MYLK3: variants seen among roughly 807,000 people sequenced by gnomAD.
MYLK3 encodes the protein myosin light chain kinase 3, also known as MLC kinase.
A neutral mutation model predicts 76.3 loss-of-function variants in MYLK3; 55 were observed. The observed-to-expected ratio is 0.72, with a 90% CI of 0.58 to 0.90. The LOEUF (loss-of-function observed/expected upper bound fraction) is 0.90, where lower values mean the gene tolerates loss of function less well. MYLK3 is among the 40% of genes least tolerant of loss of function. The pLI, the probability that MYLK3 is intolerant of heterozygous loss-of-function variation, is 0.00. For synonymous variants in MYLK3, 416 were observed against 425.4 expected, an observed-to-expected ratio of 0.98 and a Z score of 0.27; for missense variants, 973 against 1,053.6, an observed-to-expected ratio of 0.92 and a Z score of 1.06.
intron 5 of MYLK3, 131 bp from the exon 6 acceptor site, chr16:46,729,818 C>T (rs778816432): frequency 1.7e-5 from 13 of 754,758 alleles, no homozygotes; most frequent in Non-Finnish European, 2.7e-5. Flanking sequence ...TGCAGCCTGT[C>T]ATCACCCCAA....
chr16:46,707,855 C>T, intron 12 of MYLK3, 92 bp from the exon 13 acceptor site: 1 of 843,260 alleles, frequency 1.2e-6, no homozygotes, highest in Admixed American at 2.5e-5. Flanking sequence ...TAAGTGAGTC[C>T]AGCCACTGGG....
At chr16:46,719,022 A>G (rs1278391207) in intron 9 of MYLK3, among the ~76,000 whole-genome samples, 1 of 152,018 alleles carries the variant, frequency 6.6e-6, no homozygotes, top group Non-Finnish European at 1.5e-5. Context: ...TGCAGCTGAA[A>G]GACCTACCTG....
upstream of MYLK3, among the ~76,000 whole-genome samples, chr16:46,748,896 T>C (rs2143017350): frequency 6.6e-6 from 1 of 152,220 alleles, no homozygotes; most frequent in Non-Finnish European, 1.5e-5. This position sits in a 1 kb window ranked among gnomAD's most constrained non-coding sequence, Gnocchi z 4.3. Context: ...CCCTTGTACC[T>C]AAAAATAGAA....
chr16:46,762,456 G>A (rs1344283732), intron 1 of MYLK3, among the ~76,000 whole-genome samples: 1 of 152,096 alleles, frequency 6.6e-6, no homozygotes, highest in Non-Finnish European at 1.5e-5. Flanking sequence ...AACTAACCAA[G>A]AACACGGAGC....
rs1229213996 is a variant in MYLK3 at position 46,706,833 on chromosome 16, T to C, written c.*871A>G. The stretch of plus-strand genomic sequence containing the variant: ...TAAGTTGACTGCAATTCAAACCCTG[T>C]TCAAGGGTCAACTGTACATGTATAT... On this transcript the variant is annotated 3_prime_UTR_variant, in exon 13 of 13. Coordinates refer to ENST00000394809, the MANE Select transcript of MYLK3 (RefSeq NM_182493.3). 6.6e-6 allele frequency: 1 copy of C among 152,210 alleles called. No individual in the cohort carries two copies. Among genetic ancestry groups the C allele is most frequent in the Non-Finnish European group, 1.5e-5 (1 of 68,044 alleles). The allele number at this position is 152,210 out of a possible 1,614,324, so 9.4% of individuals were successfully genotyped here.
chr16:46,739,078 T>A (rs919974117), intron 2 of MYLK3, among the ~76,000 whole-genome samples: 1 of 152,148 alleles, frequency 6.6e-6, no homozygotes, highest in Non-Finnish European at 1.5e-5. Context: ...TAACCTCAGC[T>A]GATCTGCCCA....
chr16:46,710,609 C>A, intron 11 of MYLK3, 28 bp downstream of exon 11: 1 of 1,613,408 alleles, frequency 6.2e-7, no homozygotes, highest in East Asian at 2.2e-5. Flanking sequence ...ATCAGAAGGG[C>A]CCATGAGTGA....
At chr16:46,711,613 C>T in intron 10 of MYLK3, 1 of 432,982 alleles carries the variant, frequency 2.3e-6, no homozygotes, top group East Asian at 7.7e-5. Flanking sequence ...TGGGCTCAGG[C>T]AATCCTCCCG....
At chr16:46,715,015 T>C (rs546187381) in intron 9 of MYLK3, among the ~76,000 whole-genome samples, 2 of 152,316 alleles carry the variant, frequency 1.3e-5, no homozygotes, top group Non-Finnish European at 2.9e-5. Flanking sequence ...ATGACGTCAC[T>C]GAACGAAGGT....
chr16:46,713,409 GGCTGGCCTCAAACTCCTGA>G (rs1966705076), intron 9 of MYLK3, among the ~76,000 whole-genome samples: 1 of 151,960 alleles, frequency 6.6e-6, no homozygotes, highest in Admixed American at 6.6e-5. Flanking sequence ...ATGTTGCCCA[GGCTGGCCTCAAACTCCTGA>G]GCTCAAACAA....
intron 2 of MYLK3, among the ~76,000 whole-genome samples, chr16:46,739,264 G>T (rs1966892207): frequency 6.6e-6 from 1 of 152,228 alleles, no homozygotes; most frequent in Admixed American, 6.5e-5. Context: ...TAGGATTACA[G>T]GAATGGACCA....
At chr16:46,743,040 A>AC (rs1399497881) in intron 1 of MYLK3, among the ~76,000 whole-genome samples, 1 of 151,232 alleles carries the variant, frequency 6.6e-6, no homozygotes, top group Non-Finnish European at 1.5e-5. Context: ...CGCACCCCCC[A>AC]CCCCCAGCTG....
chr16:46,747,657 C>G, intron 1 of MYLK3, 60 bp downstream of exon 1: 1 of 1,516,698 alleles, frequency 6.6e-7, no homozygotes, highest in Non-Finnish European at 9.0e-7. Flanking sequence ...GGCTGCCTGG[C>G]CAGTCTCCCA....
intron 3 of MYLK3, among the ~76,000 whole-genome samples, chr16:46,735,459 G>T (rs145356063): frequency 1.1e-4 from 17 of 152,244 alleles, no homozygotes; most frequent in African/African-American, 3.1e-4. Flanking sequence ...GCCCGCCTCG[G>T]CCTCCCAAAG....
upstream of MYLK3, among the ~76,000 whole-genome samples, chr16:46,749,541 G>A (rs1263076357): frequency 6.6e-6 from 1 of 152,174 alleles, no homozygotes; most frequent in Non-Finnish European, 1.5e-5. Context: ...CGGATTGCTT[G>A]TGTCCAGGTG....
At position 46,747,697 on chromosome 16, in the gene MYLK3, G is replaced by A. The variant is rs573289224; in HGVS notation, c.477+20C>T. 1.9e-6 allele frequency: 3 copies of A among 1,602,152 alleles called. No individual in the cohort carries two copies. The highest frequency in any genetic ancestry group is 1.3e-5 in the African/African-American group (1 of 74,794). On this transcript the variant is annotated intron_variant, in intron 1 of 12. Coordinates refer to ENST00000394809, the MANE Select transcript of MYLK3 (RefSeq NM_182493.3). ...GGCCGGGGCCTCCCATCCAGCCAGGGCAGGGAAGCAGGAACCAACCTCCTC... is the reference window on the plus strand; with the variant it reads ...GGCCGGGGCCTCCCATCCAGCCAGGACAGGGAAGCAGGAACCAACCTCCTC...
chr16:46,730,062 C>A (rs1304773337), intron 5 of MYLK3: 1 of 402,162 alleles, frequency 2.5e-6, no homozygotes, highest in East Asian at 5.6e-5. Flanking sequence ...TCACCCCACA[C>A]CACCCAGGCC....
chr16:46,759,196 C>T lies in MYLK3; in HGVS notation c.-114+3844G>A, dbSNP rs372839260. Among the ~76,000 whole-genome samples, 5 of 152,326 alleles carry T rather than the reference C, an allele frequency of 3.3e-5. No homozygotes were observed. The South Asian group carries it at 8.3e-4, about 25-fold the overall frequency. On this transcript the variant is annotated intron_variant, in intron 1 of 11. Coordinates refer to the MYLK3 transcript ENST00000536476. ...CTGTGTGCAGTCCTGCACCCCTGGG[C>T]GAAGACTTCTCATTTACTCTCTTCC...
At chr16:46,755,728 GAAT>G (rs1314646349) in intron 1 of MYLK3, among the ~76,000 whole-genome samples, 1 of 151,994 alleles carries the variant, frequency 6.6e-6, no homozygotes, top group Non-Finnish European at 1.5e-5. Flanking sequence ...TGTAACAGGA[GAAT>G]AATAATAACA....
Sources: gnomAD v4.1 joint callset for allele counts (sites outside exome capture counted in the v4.1 genomes callset) on GRCh38, gnomAD v4.1.1 for gene constraint, Gnocchi (gnomAD v3.1) non-coding constraint, MANE v1.5 for transcripts, NCBI Gene and HGNC (gene_info 2026-07-23, HGNC 2026-07-21) for gene names.